SLC14A2: variants seen among roughly 807,000 people sequenced by gnomAD.
SLC14A2 encodes urea transporter 2.
A neutral mutation model predicts 104.6 loss-of-function variants in SLC14A2; 91 were observed. The observed-to-expected ratio is 0.87, with a 90% confidence interval of 0.73 to 1.04. SLC14A2 has a LOEUF of 1.04. Ranked by LOEUF, SLC14A2 falls within the 50% of genes least tolerant of loss-of-function variation. The pLI is 0.00. For missense variants in SLC14A2, 1,189 were observed against 1,156.0 expected (o/e 1.03, Z -0.41); for synonymous variants, 476 against 466.4 (o/e 1.02, Z -0.27).
chr18:45,380,719 G>T (rs7229439), intron 1 of SLC14A2, among the ~76,000 whole-genome samples: 44,676 of 152,016 alleles, frequency 0.29, 6,869 homozygotes, highest in African/African-American at 0.37. Context: ...CTAGTTGGGG[G>T]TTTGTATACT....
chr18:45,182,977 A>C, the SLC14A2 span, among the ~76,000 whole-genome samples: 1 of 152,216 alleles, frequency 6.6e-6, no homozygotes, highest in Non-Finnish European at 1.5e-5. Context: ...ACAGTACCGT[A>C]TTGGTGCTAG....
At position 45,660,504 on chromosome 18, in the gene SLC14A2, C is replaced by G. The variant is rs892933328; in HGVS notation, c.1352-3281C>G. 2.0e-5 allele frequency among the ~76,000 whole-genome samples: 3 copies of G among 152,300 alleles called. No individual in the cohort carries two copies. The South Asian group carries it at 6.2e-4, about 32-fold the overall frequency. ...CATTTCGTAAGCATTATCTCATCTC[C>G]ATAACAATATCAGAAAGAAATGGCA... On this transcript the variant is annotated intron_variant, in intron 10 of 19. Coordinates refer to ENST00000255226, the MANE Select transcript of SLC14A2 (RefSeq NM_007163.4).
At chr18:45,669,241 C>A in intron 15 of SLC14A2, 65 bp from the exon 16 acceptor site, 1 of 1,367,382 alleles carries the variant, frequency 7.3e-7, no homozygotes, top group Admixed American at 2.0e-5. Context: ...GCCCCCACTG[C>A]AGCACAGTCT....
intron 1 of SLC14A2, among the ~76,000 whole-genome samples, chr18:45,327,343 T>C (rs968036194): frequency 6.6e-6 from 1 of 152,136 alleles, no homozygotes; most frequent in Non-Finnish European, 1.5e-5. Flanking sequence ...AAAATTTACA[T>C]ATAAATTTTA....
intron 2 of SLC14A2, among the ~76,000 whole-genome samples, chr18:45,599,451 G>T (rs4371253): frequency 0.19 from 29,508 of 152,216 alleles, 2,871 homozygotes; most frequent in African/African-American, 0.21. Context: ...TGCAAAAGTA[G>T]TTACCTTTCT....
chr18:45,195,676 C>T, the SLC14A2 span, among the ~76,000 whole-genome samples: 29 of 152,278 alleles, frequency 1.9e-4, no homozygotes, highest in Non-Finnish European at 3.4e-4. Flanking sequence ...AGGTGTGAGC[C>T]ACTGCGCCTG....
Position 45,666,150 on chromosome 18 carries a change from C to G in SLC14A2, c.1488C>G (p.Gly496=), listed in dbSNP as rs759509283. The change falls in exon 12 of 20, where the codon GGC becomes GGG. Residue 496 remains glycine, a synonymous_variant. Coordinates refer to ENST00000255226, the MANE Select transcript of SLC14A2 (RefSeq NM_007163.4). ...TTCTAACTCCAGTGTTTGGAAAAGG[C>G]GAACACCAGGAAAGACAAAACAAAG... ...IRRRSKVFGK[G]EHQERQNKDP... 3.1e-6 allele frequency: 5 copies of G among 1,613,074 alleles called. No homozygotes were observed. In the South Asian group the frequency reaches 5.5e-5, roughly 18 times the overall value.
At chr18:45,575,696 G>A (rs1198811132) in intron 2 of SLC14A2, among the ~76,000 whole-genome samples, 1 of 152,102 alleles carries the variant, frequency 6.6e-6, no homozygotes, top group East Asian at 1.9e-4. Flanking sequence ...GGCTAATCAA[G>A]ACTTCAATCT....
At chr18:45,628,184 A>G (rs2045290909) in intron 4 of SLC14A2, among the ~76,000 whole-genome samples, 1 of 152,044 alleles carries the variant, frequency 6.6e-6, no homozygotes, top group East Asian at 1.9e-4. Context: ...GGTGGTTCAC[A>G]CCTGTAATCT....
chr18:45,520,065 C>T (rs957788925), intron 2 of SLC14A2, among the ~76,000 whole-genome samples: 3 of 152,162 alleles, frequency 2.0e-5, no homozygotes, highest in Non-Finnish European at 2.9e-5. Context: ...ATGTCTTGTA[C>T]GTACCATTTG....
chr18:45,622,188 T>C (rs1286053307), intron 1 of SLC14A2, among the ~76,000 whole-genome samples: 2 of 152,172 alleles, frequency 1.3e-5, no homozygotes, highest in African/African-American at 4.8e-5. Context: ...AGTAGGGATA[T>C]CCAAATGAAA....
chr18:45,416,656 G>A (rs1343851337), intron 1 of SLC14A2, among the ~76,000 whole-genome samples: 3 of 152,050 alleles, frequency 2.0e-5, no homozygotes, highest in Non-Finnish European at 4.4e-5. Flanking sequence ...AATGAGAGAA[G>A]GATGAGCATT....
intron 1 of SLC14A2, among the ~76,000 whole-genome samples, chr18:45,351,776 G>C (rs1489255971): frequency 6.6e-6 from 1 of 152,220 alleles, no homozygotes; most frequent in Non-Finnish European, 1.5e-5. Flanking sequence ...CCTACATGGA[G>C]AGATGAGACA....
intron 1 of SLC14A2, among the ~76,000 whole-genome samples, chr18:45,338,235 C>T (rs980125678): frequency 1.3e-5 from 2 of 152,112 alleles, no homozygotes; most frequent in African/African-American, 4.8e-5. Flanking sequence ...GAGTCTTACT[C>T]TGTTACCCAG....
intron 1 of SLC14A2, among the ~76,000 whole-genome samples, chr18:45,223,685 G>A (rs1348895493): frequency 6.6e-6 from 1 of 152,160 alleles, no homozygotes; most frequent in Non-Finnish European, 1.5e-5. Flanking sequence ...GACCAGTGGG[G>A]ACACAGGTGC....
chr18:45,449,445 G>A (rs929562687), intron 1 of SLC14A2, among the ~76,000 whole-genome samples: 1 of 152,038 alleles, frequency 6.6e-6, no homozygotes, highest in Admixed American at 6.6e-5. Flanking sequence ...GGCATCCTTG[G>A]GTTACTCTGC....
intron 1 of SLC14A2, among the ~76,000 whole-genome samples, chr18:45,290,575 C>A (rs1022666411): frequency 5.3e-5 from 8 of 152,254 alleles, no homozygotes; most frequent in Non-Finnish European, 1.2e-4. Flanking sequence ...CAGTAGGTAC[C>A]AGCCCCATGT....
Position 45,624,636 on chromosome 18 carries a change from C to T in SLC14A2, c.-29C>T, listed in dbSNP as rs774061003. ...TTCCCTTTCCTTCCGTCTAGTCCAT[C>T]GATAGAAGAGTGGCTGTGACCCGAA... On this transcript the variant is annotated 5_prime_UTR_variant, in exon 2 of 20. It introduces an in-frame stop codon into an upstream open reading frame of the 5' UTR. Transcript: ENST00000255226. The T allele has an allele frequency of 5.0e-6, 8 of 1,598,246 alleles. No homozygotes were observed. In the East Asian group the frequency reaches 1.3e-4, roughly 27 times the overall value.
At chr18:45,366,176 C>G (rs2085663833) in intron 1 of SLC14A2, among the ~76,000 whole-genome samples, 1 of 152,028 alleles carries the variant, frequency 6.6e-6, no homozygotes, top group Non-Finnish European at 1.5e-5. Flanking sequence ...GGTGCTTGAC[C>G]CAAGCACCTT....
Sources: gnomAD v4.1 joint callset for allele counts (sites outside exome capture counted in the v4.1 genomes callset) on GRCh38, gnomAD v4.1.1 for gene constraint, MANE v1.5 for transcripts, NCBI Gene and HGNC (gene_info 2026-07-23, HGNC 2026-07-21) for gene names.